PCSK5: variants seen among roughly 807,000 people sequenced by gnomAD.
The protein encoded by PCSK5 is proprotein convertase subtilisin/kexin type 5, also known as prohormone convertase 5.
PCSK5 carries 129 observed loss-of-function variants against 233.2 expected under a neutral mutation model. The observed-to-expected ratio is 0.55, with a 90% CI of 0.48 to 0.64. The LOEUF (loss-of-function observed/expected upper bound fraction) is 0.64. Among genes scored for constraint, PCSK5 ranks in the 30% least tolerant of loss-of-function variants. PCSK5 has a pLI of 0.00. For missense variants in PCSK5, 2,076 were observed against 2,430.1 expected (o/e 0.85, Z 3.06); for synonymous variants, 825 against 879.2 (o/e 0.94, Z 1.09).
intron 7 of PCSK5, among the ~76,000 whole-genome samples, chr9:76,089,536 G>T (rs1831200771): frequency 6.6e-6 from 1 of 152,076 alleles, no homozygotes. Context: ...TCTAAATTTT[G>T]CTCTAAATTA....
At chr9:76,143,592 A>T (rs1483225750) in intron 10 of PCSK5, among the ~76,000 whole-genome samples, 1 of 152,068 alleles carries the variant, frequency 6.6e-6, no homozygotes. Context: ...ATCATTTTGT[A>T]TTATCTTAGT....
chr9:76,082,231 G>A (rs1830869278), intron 7 of PCSK5, among the ~76,000 whole-genome samples: 1 of 152,166 alleles, frequency 6.6e-6, no homozygotes, highest in African/African-American at 2.4e-5. Context: ...ATTTACCATG[G>A]TGAGCCTTTG....
chr9:76,294,738 C>T (rs753910632), intron 25 of PCSK5, among the ~76,000 whole-genome samples: 2 of 152,104 alleles, frequency 1.3e-5, no homozygotes, highest in Non-Finnish European at 2.9e-5. Flanking sequence ...TCTTTCTCCC[C>T]AGCCTTCTCC....
At chr9:76,293,444 TG>T in intron 25 of PCSK5, among the ~76,000 whole-genome samples, 1 of 152,314 alleles carries the variant, frequency 6.6e-6, no homozygotes, top group South Asian at 2.1e-4. Flanking sequence ...TTTGTTTTTT[TG>T]GGTTTTTTTT....
chr9:75,908,215 G>T (rs1392347881), intron 1 of PCSK5, among the ~76,000 whole-genome samples: 1 of 152,194 alleles, frequency 6.6e-6, no homozygotes, highest in Admixed American at 6.5e-5. Context: ...TCTCAGTAGA[G>T]ATGAGTCTCC....
rs540531840 is a variant in PCSK5 at position 75,984,805 on chromosome 9, G to C, written c.298-1327G>C. 2.0e-5 allele frequency among the ~76,000 whole-genome samples: 3 copies of C among 152,282 alleles called. No homozygotes were observed. The South Asian group carries it at 6.2e-4, about 32-fold the overall frequency. ...ATGAGTGAATGAACCTGATCCCTTA[G>C]ATTTTTTTGAAATGAAGAGGTTAAA... is the stretch of plus-strand genomic sequence containing the variant. On this transcript the variant is annotated intron_variant, in intron 2 of 37. Transcript: ENST00000674117.
intron 20 of PCSK5, among the ~76,000 whole-genome samples, chr9:76,190,474 T>C (rs1288635794): frequency 6.6e-6 from 1 of 152,126 alleles, no homozygotes; most frequent in African/African-American, 2.4e-5. Context: ...ACCATGCACA[T>C]AGAGTTTTGT....
At chr9:75,951,856 A>G (rs950887086) in intron 2 of PCSK5, among the ~76,000 whole-genome samples, 4 of 152,230 alleles carry the variant, frequency 2.6e-5, no homozygotes, top group African/African-American at 9.6e-5. Context: ...CTAAAAGTAT[A>G]TAAGCTACAT....
intron 7 of PCSK5, among the ~76,000 whole-genome samples, chr9:76,090,871 T>A (rs1371557251): frequency 6.6e-6 from 1 of 152,132 alleles, no homozygotes; most frequent in Non-Finnish European, 1.5e-5. Context: ...TGCAGCTAAA[T>A]GGTCCCATCT....
chr9:76,303,631 A>T (rs933983526), intron 28 of PCSK5, among the ~76,000 whole-genome samples: 1 of 152,198 alleles, frequency 6.6e-6, no homozygotes, highest in Non-Finnish European at 1.5e-5. Flanking sequence ...GCTCTCAGCC[A>T]TTCAGTGAGC....
rs78273694 is a variant in PCSK5, at chr9:75,990,861, T to C, written c.411+4616T>C. Among the ~76,000 whole-genome samples the C allele has an allele frequency of 1.7e-3, 260 of 152,286 alleles. 7 individuals are homozygous for C. In the East Asian group the frequency reaches 0.038, roughly 22 times the overall value. On this transcript the variant is annotated intron_variant, in intron 3 of 37. Coordinates refer to ENST00000674117, the MANE Select transcript of PCSK5 (RefSeq NM_001372043.1). ...TTGGGCCTTCCTTTAGTTTTTGATG[T>C]GGAGTGGGGCAAAGGCAGTGGGATT...
chr9:76,308,519 A>G (rs1828772070), intron 28 of PCSK5, 126 bp from the exon 29 acceptor site: 2 of 680,788 alleles, frequency 2.9e-6, no homozygotes. Context: ...CAGCTCATGT[A>G]CAATCAAAAG....
At chr9:75,961,728 G>A (rs1340510) in intron 2 of PCSK5, among the ~76,000 whole-genome samples, 104,675 of 152,020 alleles carry the variant, frequency 0.69, 36,618 homozygotes, top group East Asian at 0.81. Context: ...GATTTTAAAG[G>A]CAGAGAACGT....
chr9:76,069,223 A>G lies in PCSK5; in HGVS notation c.721+1180A>G, dbSNP rs1482544506. 2.0e-5 allele frequency among the ~76,000 whole-genome samples: 3 copies of G among 152,306 alleles called. No homozygotes were observed. The East Asian group carries it at 5.8e-4, about 29-fold the overall frequency. ...AAGAAAAAAATTCTTCGTTCCCTGAAGAATGATGAGTTTTGGAGGCCCCTC... is the reference window on the plus strand; with the variant it reads ...AAGAAAAAAATTCTTCGTTCCCTGAGGAATGATGAGTTTTGGAGGCCCCTC... On this transcript the variant is annotated intron_variant, in intron 6 of 37. Coordinates refer to ENST00000674117, the MANE Select transcript of PCSK5 (RefSeq NM_001372043.1).
intron 26 of PCSK5, among the ~76,000 whole-genome samples, chr9:76,295,950 A>G (rs1432580073): frequency 1.3e-5 from 2 of 152,182 alleles, no homozygotes; most frequent in East Asian, 3.9e-4. Context: ...ACAGCCCACA[A>G]TGATCTTCAG....
intron 24 of PCSK5, among the ~76,000 whole-genome samples, chr9:76,270,816 A>G (rs1484511348): frequency 6.6e-6 from 1 of 152,148 alleles, no homozygotes. Flanking sequence ...AGGATATGTA[A>G]TTTTAAATAA....
chr9:75,967,370 A>T (rs1300475257), intron 2 of PCSK5, among the ~76,000 whole-genome samples: 2 of 152,148 alleles, frequency 1.3e-5, no homozygotes, highest in Non-Finnish European at 2.9e-5. Context: ...TTCCTGCATT[A>T]ATTTGCTTAG....
At chr9:76,276,340 G>A (rs1827687583) in intron 24 of PCSK5, among the ~76,000 whole-genome samples, 1 of 152,160 alleles carries the variant, frequency 6.6e-6, no homozygotes, top group Admixed American at 6.5e-5. Flanking sequence ...TTACCACACA[G>A]TAGACACAGT....
chr9:76,289,498 C>CGCA lies in PCSK5; in HGVS notation c.3143-2735_3143-2734insGCA, dbSNP rs1436442271. ...ACACACACACACACACACACACACA[C>CGCA]ACACACACACACGCAACATACACAC... is the stretch of plus-strand genomic sequence containing the variant. On this transcript the variant is annotated intron_variant, in intron 24 of 37. Transcript: ENST00000674117. Among the ~76,000 whole-genome samples, 534 of 131,982 alleles carry CGCA rather than the reference C, an allele frequency of 4.0e-3. 2 individuals carry two copies. The highest frequency in any genetic ancestry group is 0.011 in the Middle Eastern group (3 of 266). 86.6% of individuals were successfully genotyped at this position (131,982 alleles called of 152,430 possible).
Sources: allele counts gnomAD v4.1 joint callset (sites outside exome capture counted in the v4.1 genomes callset), GRCh38; gene constraint gnomAD v4.1.1; transcripts MANE v1.5; gene names NCBI Gene and HGNC (gene_info 2026-07-23, HGNC 2026-07-21).